Variants in KDM1A observed in about 807,000 individuals in gnomAD.
KDM1A encodes lysine demethylase 1A.
In KDM1A, 49 loss-of-function variants were observed where a neutral mutation model predicts 109.4. That is an observed-to-expected ratio of 0.45 (90% confidence interval 0.36 to 0.57). The LOEUF (loss-of-function observed/expected upper bound fraction) is 0.57, where lower values mean the gene tolerates loss of function less well. Ranked by LOEUF, KDM1A falls within the 20% of genes least tolerant of loss-of-function variation. KDM1A has a pLI of 0.00. For missense variants in KDM1A, 668 were observed against 1,116.6 expected (o/e 0.60, Z 5.73); for synonymous variants, 380 against 415.4 (o/e 0.91, Z 1.04).
rs754600540 is a variant in KDM1A at position 23,079,147 on chromosome 1, C to A, written c.2025C>A (p.Val675=). 2.4e-5 allele frequency: 38 copies of A among 1,614,028 alleles called. No individual in the cohort carries two copies. Among genetic ancestry groups the A allele is most frequent in the Middle Eastern group, 1.6e-4 (1 of 6,084 alleles). The change falls in exon 17 of 21, where the codon GTC becomes GTA. Residue 675 remains valine, a synonymous_variant. Transcript: ENST00000400181. The surrounding 1 kb of genome is among the most constrained non-coding windows in gnomAD (Gnocchi z 5.6). ...PPLPEWKTSA[V]QRMGFGNLNK... ...TCCCTGAGTGGAAAACATCTGCAGT[C>A]CAAAGGATGGGATTTGGCAACCTTA...
Position 23,032,203 on chromosome 1 carries a change from G to A in KDM1A, c.517+1569G>A, listed in dbSNP as rs930990720. On this transcript the variant is annotated intron_variant, in intron 2 of 20. Coordinates refer to ENST00000400181, the MANE Select transcript of KDM1A (RefSeq NM_001009999.3). ...TTAGTTCAAGGGCTCTAAGTACTAC[G>A]CATTGATGATCTGATATCTCAGATG... is the stretch of plus-strand genomic sequence containing the variant. 3.3e-5 allele frequency among the ~76,000 whole-genome samples: 5 copies of A among 152,156 alleles called. No homozygotes were observed. The South Asian group carries it at 1.0e-3, about 32-fold the overall frequency.
rs74809183 is a variant in KDM1A at position 23,054,679 on chromosome 1, C to T, written c.791-390C>T. ...AGATCTGATCTAGCCTGGGCTAGAG[C>T]GTACAGGTACAGTCATAGCTCCCTG... On this transcript the variant is annotated intron_variant, in intron 5 of 20. Coordinates refer to ENST00000400181, the MANE Select transcript of KDM1A (RefSeq NM_001009999.3). 6.6e-5 allele frequency among the ~76,000 whole-genome samples: 10 copies of T among 152,170 alleles called. No individual in the cohort carries two copies. In the East Asian group the frequency reaches 1.2e-3, roughly 18 times the overall value.
chr1:23,044,724 C>T (rs1322534912), intron 3 of KDM1A, among the ~76,000 whole-genome samples: 4 of 152,124 alleles, frequency 2.6e-5, no homozygotes, highest in East Asian at 3.9e-4. Context: ...GAGGAGATGG[C>T]GGGTACTTTT....
intron 2 of KDM1A, among the ~76,000 whole-genome samples, chr1:23,033,564 G>A (rs1642054704): frequency 6.6e-6 from 1 of 152,088 alleles, no homozygotes; most frequent in South Asian, 2.1e-4. Flanking sequence ...AGTAAGGTTT[G>A]CATACATTTC....
In KDM1A at chr1:23,056,042, A is replaced by G; in HGVS notation, c.990+4A>G. 6.3e-7 allele frequency: 1 copy of G among 1,599,182 alleles called. No individual in the cohort carries two copies. The highest frequency in any genetic ancestry group is 1.1e-5 in the South Asian group (1 of 90,604). ...TGTCACACTTTTGGAAGCCAGGGTA[A>G]GAATTTCATTTTGAGTTTAGAGGCT... is the stretch of plus-strand genomic sequence containing the variant. On this transcript the variant is annotated splice_donor_region_variant and intron_variant, in intron 7 of 20. Transcript: ENST00000400181.
At position 23,077,480 on chromosome 1, in the gene KDM1A, A is replaced by G. The variant is rs921634884; in HGVS notation, c.1867+120A>G. ...AGTGTTTATGACACCATAGGTAAAA[A>G]TTGGCATTTATAGACAGTTGAGCCT... On this transcript the variant is annotated intron_variant, in intron 16 of 20. Coordinates refer to ENST00000400181, the MANE Select transcript of KDM1A (RefSeq NM_001009999.3). The G allele has an allele frequency of 2.3e-5, 24 of 1,038,182 alleles. No individual in the cohort carries two copies. In the Admixed American group the frequency reaches 6.5e-4, roughly 28 times the overall value. The allele number at this position is 1,038,182 out of a possible 1,614,324, so 64.3% of individuals were successfully genotyped here. A position where few individuals can be genotyped will look rare whatever the true frequency, so the allele number is the denominator to read the frequency against.
intron 9 of KDM1A, chr1:23,059,452 C>T (rs894896391): frequency 6.9e-6 from 3 of 434,616 alleles, no homozygotes; most frequent in Non-Finnish European, 1.3e-5. Context: ...TGGCTGTGGC[C>T]ACTTACTCCA....
intron 13 of KDM1A, among the ~76,000 whole-genome samples, chr1:23,071,751 C>T (rs1370977839): frequency 6.6e-6 from 1 of 152,126 alleles, no homozygotes; most frequent in Non-Finnish European, 1.5e-5. Context: ...TAACACCTAC[C>T]TTGTAGGGTA....
intron 14 of KDM1A, 100 bp downstream of exon 14, chr1:23,072,297 G>A (rs1643343462): frequency 2.5e-6 from 2 of 811,910 alleles, no homozygotes; most frequent in Admixed American, 2.3e-5. Context: ...TTTTATTTAT[G>A]TTCAGTGAGT....
At chr1:23,038,643 G>A (rs1476687970) in intron 2 of KDM1A, among the ~76,000 whole-genome samples, 1 of 152,152 alleles carries the variant, frequency 6.6e-6, no homozygotes, top group Non-Finnish European at 1.5e-5. Context: ...GGCTTCTAAA[G>A]CTTTGCATTT....
At chr1:23,058,976 G>T in intron 8 of KDM1A, 97 bp from the exon 9 acceptor site, 5 of 659,722 alleles carry the variant, frequency 7.6e-6, no homozygotes, top group South Asian at 6.5e-5. Flanking sequence ...GTAAGCTTTT[G>T]AGCTTTTTAT....
chr1:23,060,515 G>A (rs1346246351), intron 9 of KDM1A, among the ~76,000 whole-genome samples: 1 of 152,170 alleles, frequency 6.6e-6, no homozygotes, highest in Non-Finnish European at 1.5e-5. Flanking sequence ...AGAACAAATT[G>A]CTATGGAAGA....
chr1:23,082,897 A>G (rs1643663572), intron 20 of KDM1A: 1 of 276,988 alleles, frequency 3.6e-6, no homozygotes. Context: ...GTAGTTATAC[A>G]TGAGGGAAGG....
chr1:23,082,165 G>A, intron 19 of KDM1A, 55 bp from the exon 20 acceptor site: 1 of 1,585,092 alleles, frequency 6.3e-7, no homozygotes, highest in Non-Finnish European at 8.6e-7. Flanking sequence ...ACCTTTCAAG[G>A]ATTGATTTGT....
chr1:23,032,310 A>G (rs1403645713), intron 2 of KDM1A, among the ~76,000 whole-genome samples: 1 of 150,828 alleles, frequency 6.6e-6, no homozygotes, highest in Non-Finnish European at 1.5e-5. Context: ...CGTTTCTTTG[A>G]AAATTTTAAA....
intron 15 of KDM1A, among the ~76,000 whole-genome samples, chr1:23,076,180 A>T (rs1569813044): frequency 1.3e-5 from 2 of 152,276 alleles, no homozygotes; most frequent in East Asian, 1.9e-4. Flanking sequence ...GCTGAAGTAG[A>T]GTGTTGCTGC....
intron 2 of KDM1A, among the ~76,000 whole-genome samples, chr1:23,033,706 C>T (rs972393656): frequency 2.0e-5 from 3 of 152,118 alleles, no homozygotes; most frequent in African/African-American, 7.2e-5. Context: ...GTCAAATTGA[C>T]TGAATAAGGT....
At chr1:23,024,244 AG>A (rs1420809994) in intron 1 of KDM1A, among the ~76,000 whole-genome samples, 1 of 152,134 alleles carries the variant, frequency 6.6e-6, no homozygotes, top group Admixed American at 6.6e-5. Flanking sequence ...TTAAACTTTC[AG>A]GAAAAAAATT....
intron 7 of KDM1A, 57 bp downstream of exon 7, chr1:23,056,095 T>C (rs1402995226): frequency 8.8e-7 from 1 of 1,139,354 alleles, no homozygotes; most frequent in Non-Finnish European, 1.3e-6. Context: ...GGTAAGCAAA[T>C]TATCTGTTGC....
Sources: gnomAD v4.1 joint callset for allele counts (sites outside exome capture counted in the v4.1 genomes callset) on GRCh38, gnomAD v4.1.1 for gene constraint, Gnocchi (gnomAD v3.1) non-coding constraint, MANE v1.5 for transcripts, NCBI Gene and HGNC (gene_info 2026-07-23, HGNC 2026-07-21) for gene names.